The following COBLL1 variants were observed in gnomAD, a reference collection of about 807,000 sequenced individuals.
COBLL1 encodes cordon-bleu protein-like 1.
COBLL1 carries 50 observed loss-of-function variants against 94.8 expected under a neutral mutation model. That is an observed-to-expected ratio of 0.53 (90% CI 0.42 to 0.67). The LOEUF is 0.67. Among genes scored for constraint, COBLL1 ranks in the 30% least tolerant of loss-of-function variants. The pLI is 0.00. For missense variants in COBLL1, 1,362 were observed against 1,348.7 expected (o/e 1.01, Z -0.15); for synonymous variants, 448 against 473.8 (o/e 0.95, Z 0.71).
At chr2:164,800,404 T>C in intron 2 of COBLL1, 1 of 562,584 alleles carries the variant, frequency 1.8e-6, no homozygotes, top group Non-Finnish European at 3.1e-6. Flanking sequence ...ATGGCTAACA[T>C]AAATACCAAC....
intron 12 of COBLL1, chr2:164,692,813 A>G (rs1683687707): frequency 6.5e-6 from 1 of 154,526 alleles, no homozygotes; most frequent in East Asian, 1.9e-4. Context: ...TTTTTAAATG[A>G]GCAAAACAGT....
intron 2 of COBLL1, among the ~76,000 whole-genome samples, chr2:164,817,888 G>A (rs1204879079): frequency 6.6e-6 from 1 of 152,022 alleles, no homozygotes; most frequent in African/African-American, 2.4e-5. Context: ...ACATCTAAAT[G>A]CTGATCATCC....
At chr2:164,675,002 ATTTC>A (rs1331517588) in intron 1 of COBLL1, among the ~76,000 whole-genome samples, 1 of 152,114 alleles carries the variant, frequency 6.6e-6, no homozygotes, top group Admixed American at 6.5e-5. Context: ...TTTTATTCTT[ATTTC>A]TTTATGACCA....
intron 7 of COBLL1, among the ~76,000 whole-genome samples, chr2:164,715,560 G>A (rs773598008): frequency 5.3e-5 from 8 of 151,936 alleles, no homozygotes; most frequent in Non-Finnish European, 5.9e-5. Context: ...AGCAAAATAT[G>A]TACCTGTACA....
intron 7 of COBLL1, among the ~76,000 whole-genome samples, chr2:164,716,808 T>C (rs1465606013): frequency 6.6e-6 from 1 of 152,172 alleles, no homozygotes; most frequent in African/African-American, 2.4e-5. Flanking sequence ...CCATATACTT[T>C]AATTTGCTAA....
intron 2 of COBLL1, among the ~76,000 whole-genome samples, chr2:164,789,272 G>A (rs562139741): frequency 1.3e-5 from 2 of 151,854 alleles, no homozygotes; most frequent in African/African-American, 2.4e-5. Context: ...GATGATAGAA[G>A]GTTAGAAGGG....
chr2:164,767,371 A>G (rs1687986547), intron 2 of COBLL1, among the ~76,000 whole-genome samples: 1 of 152,216 alleles, frequency 6.6e-6, no homozygotes, highest in African/African-American at 2.4e-5. Context: ...AAAAGGAGGC[A>G]AATATAACAA....
intron 2 of COBLL1, among the ~76,000 whole-genome samples, chr2:164,745,050 A>G (rs1361868860): frequency 1.3e-5 from 2 of 152,192 alleles, no homozygotes; most frequent in Non-Finnish European, 2.9e-5. Flanking sequence ...ACTCCTTTCC[A>G]CTCAGAAAAA....
At chr2:164,666,610 G>A (rs1479640213) in intron 1 of COBLL1, among the ~76,000 whole-genome samples, 4 of 152,172 alleles carry the variant, frequency 2.6e-5, no homozygotes, top group Non-Finnish European at 5.9e-5. Context: ...CCCACAGTAG[G>A]ACTTCTTTCA....
At chr2:164,696,312 A>G (rs923834047) in intron 11 of COBLL1, 1 of 152,282 alleles carries the variant, frequency 6.6e-6, no homozygotes, top group African/African-American at 2.4e-5. Flanking sequence ...TATAGCCCCT[A>G]GCATATTTAT....
chr2:164,700,284 TATTTCTC>T (rs1167910150), intron 10 of COBLL1, among the ~76,000 whole-genome samples: 1 of 152,136 alleles, frequency 6.6e-6, no homozygotes, highest in Non-Finnish European at 1.5e-5. Context: ...TCACACAAAC[TATTTCTC>T]ATGGTTTATC....
At position 164,680,564 on chromosome 2, in the gene COBLL1, C is replaced by CT. The variant is rs2105394163; in HGVS notation, c.*5381dup. ...TTTCTTGACTTAGGGAGTCCTGGGC[C>CT]TGCTCACTTCTATTACTCATATGGC... On this transcript the variant is annotated 3_prime_UTR_variant, in exon 14 of 14. Coordinates refer to ENST00000652658, the MANE Select transcript of COBLL1 (RefSeq NM_001365672.2). The CT allele has an allele frequency of 6.6e-6, 1 of 152,236 alleles. No individual in the cohort carries two copies. The highest frequency in any genetic ancestry group is 2.4e-5 in the African/African-American group (1 of 41,550). The allele number at this position is 152,236 out of a possible 1,614,324, so 9.4% of individuals were successfully genotyped here.
rs143900359 is a variant in COBLL1, at chr2:164,715,235, A to G, written c.996+6840T>C. On this transcript the variant is annotated intron_variant, in intron 7 of 13. Coordinates refer to ENST00000652658, the MANE Select transcript of COBLL1 (RefSeq NM_001365672.2). ...AAAAGGGGAGCAGATTAAATATTATACTGTGTTGGTACATTTCTCTACTGA... is the reference window on the plus strand; with the variant it reads ...AAAAGGGGAGCAGATTAAATATTATGCTGTGTTGGTACATTTCTCTACTGA... Among the ~76,000 whole-genome samples the G allele has an allele frequency of 7.2e-3, 1,089 of 152,290 alleles. 6 individuals carry two copies. The highest frequency in any genetic ancestry group is 0.02 in the Middle Eastern group (6 of 294).
chr2:164,826,499 C>A (rs1326250865), intron 2 of COBLL1, among the ~76,000 whole-genome samples: 2 of 152,176 alleles, frequency 1.3e-5, no homozygotes, highest in East Asian at 3.9e-4. Context: ...CAAACATAAG[C>A]CAAATGCCTG....
chr2:164,759,743 GA>G (rs1476390254), intron 2 of COBLL1, among the ~76,000 whole-genome samples: 3 of 152,134 alleles, frequency 2.0e-5, no homozygotes, highest in Admixed American at 6.5e-5. Flanking sequence ...CCATGAGATG[GA>G]AAAAGGTGTA....
chr2:164,713,769 T>C (rs1306585889), intron 7 of COBLL1, among the ~76,000 whole-genome samples: 2 of 152,172 alleles, frequency 1.3e-5, no homozygotes, highest in Non-Finnish European at 2.9e-5. Flanking sequence ...GGAAGAAAGA[T>C]GTCAGTCAAT....
intron 2 of COBLL1, among the ~76,000 whole-genome samples, chr2:164,832,826 C>A (rs1408815348): frequency 1.3e-5 from 2 of 151,966 alleles, no homozygotes; most frequent in East Asian, 3.9e-4. Context: ...GGCGGATCAC[C>A]TGAGGACGGG....
At chr2:164,707,420 C>G (rs151105919) in intron 7 of COBLL1, among the ~76,000 whole-genome samples, 8 of 152,258 alleles carry the variant, frequency 5.3e-5, no homozygotes, top group African/African-American at 1.9e-4. Flanking sequence ...GGATTACAGG[C>G]ATGAGCTACC....
intron 2 of COBLL1, among the ~76,000 whole-genome samples, chr2:164,801,486 T>A (rs116534015): frequency 0.01 from 1,304 of 128,152 alleles, 10 homozygotes; most frequent in Middle Eastern, 0.016. Context: ...CTAAGTGTGG[T>A]GGCAACACAC....
Sources: allele counts gnomAD v4.1 joint callset (sites outside exome capture counted in the v4.1 genomes callset), GRCh38; gene constraint gnomAD v4.1.1; transcripts MANE v1.5; gene names NCBI Gene and HGNC (gene_info 2026-07-23, HGNC 2026-07-21).